The following FAM221A variants were observed in gnomAD, a reference collection of about 807,000 sequenced individuals.
FAM221A encodes family with sequence similarity 221 member A, also known as protein FAM221A.
FAM221A carries 43 observed loss-of-function variants against 37.6 expected under a neutral mutation model. The ratio of observed to expected loss-of-function variants is 1.15; its 90% CI spans 0.90 to 1.48. The LOEUF (loss-of-function observed/expected upper bound fraction) is 1.48. FAM221A is among the 40% of genes most tolerant of loss of function. The pLI, the probability that FAM221A is intolerant of heterozygous loss-of-function variation, is 0.00. For missense variants in FAM221A, 361 were observed against 361.5 expected (o/e 1.00, Z 0.01); for synonymous variants, 135 against 132.9 (o/e 1.02, Z -0.11).
At chr7:23,689,844 C>A (rs1432590193) in intron 3 of FAM221A, among the ~76,000 whole-genome samples, 2 of 151,996 alleles carry the variant, frequency 1.3e-5, no homozygotes, top group African/African-American at 4.8e-5. Flanking sequence ...AGTCAAAAAA[C>A]TTTTATGGTT....
At chr7:23,693,888 A>G (rs1307663689) in intron 4 of FAM221A, 1 of 152,170 alleles carries the variant, frequency 6.6e-6, no homozygotes, top group Non-Finnish European at 1.5e-5. Flanking sequence ...GGTTTGTTAC[A>G]TAGGTATACA....
chr7:23,701,951 C>T, intron 6 of FAM221A, 145 bp from the exon 7 acceptor site: 1 of 429,896 alleles, frequency 2.3e-6, no homozygotes, highest in Non-Finnish European at 4.2e-6. Context: ...GTAATTATGT[C>T]CCTTTAACAG....
At chr7:23,699,716 A>G (rs947439766) in intron 5 of FAM221A, among the ~76,000 whole-genome samples, 4 of 150,270 alleles carry the variant, frequency 2.7e-5, no homozygotes, top group African/African-American at 9.8e-5. Flanking sequence ...TAAATTTTGA[A>G]TTTTTTGTAG....
At chr7:23,694,198 T>G (rs1784915421) in intron 4 of FAM221A, 1 of 152,254 alleles carries the variant, frequency 6.6e-6, no homozygotes, top group South Asian at 2.1e-4. Context: ...CTGCATAGTA[T>G]TCTGTGGAAA....
intron 1 of FAM221A, among the ~76,000 whole-genome samples, chr7:23,682,815 C>T (rs1024206354): frequency 2.7e-4 from 41 of 152,148 alleles, no homozygotes; most frequent in African/African-American, 9.4e-4. Context: ...ATACCAATGA[C>T]ATCTTACTTT....
intron 4 of FAM221A, among the ~76,000 whole-genome samples, chr7:23,695,958 G>A (rs974534246): frequency 6.6e-6 from 1 of 152,092 alleles, no homozygotes; most frequent in Non-Finnish European, 1.5e-5. Context: ...CTTTAGTGAC[G>A]TCTAGTATTT....
intron 1 of FAM221A, 97 bp downstream of exon 1, chr7:23,680,380 G>T: frequency 1.1e-6 from 1 of 947,352 alleles, no homozygotes; most frequent in Non-Finnish European, 1.5e-6. Context: ...CGTCCGCGGG[G>T]GTTCCCGGAA....
rs948801177 is a variant in FAM221A, at chr7:23,694,304, A to G, written c.637+2708A>G. The G allele has an allele frequency of 1.1e-4, 16 of 152,156 alleles. No homozygotes were observed. The East Asian group carries it at 2.9e-3, about 28-fold the overall frequency. The allele number at this position is 152,156 out of a possible 1,614,324, so 9.4% of individuals were successfully genotyped here. A position where few individuals can be genotyped will look rare whatever the true frequency, so the allele number is the denominator to read the frequency against. ...ATTTATGTAATATATATTTTTTATG[A>G]TAGCTTCCTGGTGTGTCATGATATT... On this transcript the variant is annotated intron_variant, in intron 4 of 6. Coordinates refer to ENST00000344962, the MANE Select transcript of FAM221A (RefSeq NM_199136.5).
intron 2 of FAM221A, chr7:23,686,792 C>CT (rs927531468): frequency 1.5e-4 from 22 of 145,718 alleles, no homozygotes; most frequent in South Asian, 2.2e-4. Flanking sequence ...ATGACTTTTT[C>CT]TTTTTTTTTT....
intron 5 of FAM221A, among the ~76,000 whole-genome samples, chr7:23,699,663 A>G (rs1785285907): frequency 6.9e-6 from 1 of 144,468 alleles, no homozygotes; most frequent in African/African-American, 2.6e-5. Flanking sequence ...CACCTCAGCC[A>G]CCTGAGTAGC....
intron 2 of FAM221A, chr7:23,687,362 TA>T (rs1468655541): frequency 6.6e-6 from 1 of 152,226 alleles, no homozygotes; most frequent in African/African-American, 2.4e-5. Context: ...ATTCTGGTTC[TA>T]TAAAAGATTT....
chr7:23,701,378 C>T (rs919132193), intron 6 of FAM221A, among the ~76,000 whole-genome samples: 69 of 151,534 alleles, frequency 4.6e-4, no homozygotes, highest in South Asian at 2.1e-3. Context: ...TAGCTGGGAC[C>T]ACAGGCGCCC....
intron 5 of FAM221A, among the ~76,000 whole-genome samples, chr7:23,699,671 A>G (rs1159215951): frequency 6.7e-6 from 1 of 149,896 alleles, no homozygotes; most frequent in Admixed American, 6.8e-5. Flanking sequence ...CCACCTGAGT[A>G]GCTGGGACTA....
intron 4 of FAM221A, 144 bp downstream of exon 4, chr7:23,691,740 G>A (rs892722576): frequency 2.6e-6 from 2 of 767,852 alleles, no homozygotes; most frequent in Admixed American, 3.2e-5. Context: ...TTTAAAAGAG[G>A]TTTTTAAAAT....
At chr7:23,691,720 A>G (rs1020756303) in intron 4 of FAM221A, 124 bp downstream of exon 4, 2 of 848,042 alleles carry the variant, frequency 2.4e-6, no homozygotes, top group East Asian at 2.8e-5. Context: ...CTCTCGTTTG[A>G]TTTTTATTTT....
intron 2 of FAM221A, chr7:23,686,719 A>G (rs928760237): frequency 1.3e-5 from 2 of 152,340 alleles, no homozygotes; most frequent in Admixed American, 1.3e-4. Flanking sequence ...TTCTATATAC[A>G]ATATATAGAA....
intron 2 of FAM221A, among the ~76,000 whole-genome samples, chr7:23,686,008 T>G (rs11764384): frequency 0.073 from 11,102 of 152,262 alleles, 509 homozygotes; most frequent in East Asian, 0.14. Flanking sequence ...GAGTTGCAGT[T>G]TGCCAAAGTT....
intron 5 of FAM221A, 24 bp downstream of exon 5, chr7:23,698,323 GT>G: frequency 2.4e-6 from 3 of 1,255,398 alleles, no homozygotes; most frequent in Non-Finnish European, 3.4e-6. Context: ...GTTTAGAACT[GT>G]TTTTGGATGT....
chr7:23,696,249 G>T (rs1785053430), intron 4 of FAM221A, among the ~76,000 whole-genome samples: 1 of 135,778 alleles, frequency 7.4e-6, no homozygotes, highest in Non-Finnish European at 1.6e-5. Flanking sequence ...AAAAGGTACA[G>T]TAAAAATATG....
Sources: allele counts gnomAD v4.1 joint callset (sites outside exome capture counted in the v4.1 genomes callset), GRCh38; gene constraint gnomAD v4.1.1; transcripts MANE v1.5; gene names NCBI Gene and HGNC (gene_info 2026-07-23, HGNC 2026-07-21).